The following SAMD4A variants were observed in gnomAD, a reference collection of about 807,000 sequenced individuals.
SAMD4A encodes the protein sterile alpha motif domain containing 4A, also known as protein Smaug homolog 1.
SAMD4A carries 33 observed loss-of-function variants against 81.3 expected under a neutral mutation model. That is an observed-to-expected ratio of 0.41 (90% CI 0.31 to 0.54). SAMD4A has a LOEUF of 0.54. Among genes scored for constraint, SAMD4A ranks in the 20% least tolerant of loss-of-function variants. The pLI, the probability that SAMD4A is intolerant of heterozygous loss-of-function variation, is 0.37. For synonymous variants in SAMD4A, 389 were observed against 382.1 expected, an observed-to-expected ratio of 1.02 and a Z score of -0.21; for missense variants, 854 against 951.1, an observed-to-expected ratio of 0.90 and a Z score of 1.34.
chr14:54,650,653 C>T (rs1405747468), intron 2 of SAMD4A, among the ~76,000 whole-genome samples: 1 of 152,210 alleles, frequency 6.6e-6, no homozygotes, highest in African/African-American at 2.4e-5. Flanking sequence ...AAAGTCACTG[C>T]TAGACCAGTT....
intron 2 of SAMD4A, among the ~76,000 whole-genome samples, chr14:54,580,947 T>G (rs1394705812): frequency 1.3e-5 from 2 of 152,186 alleles, no homozygotes; most frequent in African/African-American, 2.4e-5. Flanking sequence ...GCATACAGAT[T>G]GATTAACAAA....
intron 6 of SAMD4A, chr14:54,754,990 C>T (rs147653332): frequency 2.1e-4 from 63 of 298,942 alleles, no homozygotes; most frequent in African/African-American, 1.3e-3. Flanking sequence ...CCAGTCTGAT[C>T]GATGTCATCA....
At chr14:54,683,842 T>TA (rs2036187536) in intron 2 of SAMD4A, among the ~76,000 whole-genome samples, 1 of 152,118 alleles carries the variant, frequency 6.6e-6, no homozygotes, top group Admixed American at 6.5e-5. Flanking sequence ...GAGGGGTAGA[T>TA]ATATGAGATC....
At chr14:54,765,808 A>G (rs1258709538) in intron 8 of SAMD4A, among the ~76,000 whole-genome samples, 2 of 151,734 alleles carry the variant, frequency 1.3e-5, no homozygotes, top group Non-Finnish European at 2.9e-5. Context: ...GTGCTATCGA[A>G]GTTCTCACGG....
intron 2 of SAMD4A, among the ~76,000 whole-genome samples, chr14:54,611,835 C>T (rs1328187799): frequency 2.0e-5 from 3 of 151,218 alleles, no homozygotes; most frequent in African/African-American, 7.3e-5. Flanking sequence ...TGAGATTGCG[C>T]CACTGCATTT....
chr14:54,785,624 C>T (rs2039120943), intron 12 of SAMD4A, among the ~76,000 whole-genome samples: 1 of 152,236 alleles, frequency 6.6e-6, no homozygotes, highest in Non-Finnish European at 1.5e-5. Flanking sequence ...CACCTAGAGC[C>T]AAGACGTGCG....
intron 2 of SAMD4A, among the ~76,000 whole-genome samples, chr14:54,698,245 A>G (rs1188265136): frequency 6.6e-6 from 1 of 152,228 alleles, no homozygotes; most frequent in Non-Finnish European, 1.5e-5. Flanking sequence ...CATGTACTCT[A>G]TTAATACATT....
At chr14:54,658,062 A>G (rs2140452662) in intron 2 of SAMD4A, among the ~76,000 whole-genome samples, 1 of 152,316 alleles carries the variant, frequency 6.6e-6, no homozygotes, top group Admixed American at 6.5e-5. Flanking sequence ...TAATTCCAGC[A>G]CTTTGGGAAA....
rs373586758 is a variant in SAMD4A at position 54,764,492 on chromosome 14, A to G, written c.1548A>G (p.Glu516=). Residue 516 remains glutamate, a synonymous_variant, in exon 8 of 13, where the codon GAA becomes GAG. Coordinates refer to ENST00000554335, the MANE Select transcript of SAMD4A (RefSeq NM_015589.6). ...TQLLVSRPDE[E]NISSYLQLID... The stretch of plus-strand genomic sequence containing the variant: ...TCTTGGTCTCCAGACCTGATGAGGA[A>G]AATATAAGTTCCTATTTACAGCTCA... 12 of 1,613,126 alleles carry G rather than the reference A, an allele frequency of 7.4e-6. No individual in the cohort carries two copies. In the African/African-American group the frequency reaches 1.5e-4, roughly 20 times the overall value.
intron 2 of SAMD4A, chr14:54,694,150 T>A (rs557077243): frequency 2.6e-5 from 4 of 151,828 alleles, no homozygotes; most frequent in Non-Finnish European, 5.9e-5. Context: ...GGACTTTGGC[T>A]TTTACTCTGA....
At chr14:54,758,006 C>T (rs952160241) in intron 6 of SAMD4A, among the ~76,000 whole-genome samples, 2 of 152,164 alleles carry the variant, frequency 1.3e-5, no homozygotes, top group Non-Finnish European at 2.9e-5. Flanking sequence ...CCGGGTCTAC[C>T]GTGGGCAGCA....
At chr14:54,626,018 GTGTGT>G (rs1566554120) in intron 2 of SAMD4A, among the ~76,000 whole-genome samples, 29 of 34,564 alleles carry the variant, frequency 8.4e-4, no homozygotes, top group East Asian at 5.7e-3. Context: ...ACTGCTAGGT[GTGTGT>G]GTGTGTGTGT....
At chr14:54,698,007 T>C (rs750379331) in intron 2 of SAMD4A, among the ~76,000 whole-genome samples, 1 of 152,322 alleles carries the variant, frequency 6.6e-6, no homozygotes, top group South Asian at 2.1e-4. Flanking sequence ...TAATGCCTTT[T>C]ATAACCTAAT....
At chr14:54,775,562 G>A (rs529312022) in intron 10 of SAMD4A, among the ~76,000 whole-genome samples, 1 of 152,334 alleles carries the variant, frequency 6.6e-6, no homozygotes, top group South Asian at 2.1e-4. Flanking sequence ...GTCTGAGAGA[G>A]TGTGCCAGGG....
chr14:54,713,016 A>T (rs921095663), intron 3 of SAMD4A, among the ~76,000 whole-genome samples: 4 of 152,100 alleles, frequency 2.6e-5, no homozygotes, highest in Non-Finnish European at 5.9e-5. Context: ...TAGTCTTATG[A>T]TTTCTGTTAT....
At chr14:54,620,348 T>C (rs1566551099) in intron 2 of SAMD4A, among the ~76,000 whole-genome samples, 1 of 127,228 alleles carries the variant, frequency 7.9e-6, no homozygotes, top group Non-Finnish European at 1.7e-5. Context: ...ATAAGCACCA[T>C]GTTGGAGCAT....
chr14:54,769,737 G>T (rs1376852760), intron 8 of SAMD4A, among the ~76,000 whole-genome samples: 1 of 152,198 alleles, frequency 6.6e-6, no homozygotes, highest in Non-Finnish European at 1.5e-5. Context: ...TGAAAATGCA[G>T]GGGGCCTGCA....
upstream of SAMD4A, among the ~76,000 whole-genome samples, chr14:54,565,562 C>T (rs1295102105): frequency 6.6e-6 from 1 of 152,234 alleles, no homozygotes; most frequent in Non-Finnish European, 1.5e-5. The surrounding 1 kb of genome is among the most constrained non-coding windows in gnomAD (Gnocchi z 5.4). Flanking sequence ...GCCTCCACGA[C>T]CCCCGGAACC....
At chr14:54,612,419 T>A (rs1272867118) in intron 2 of SAMD4A, among the ~76,000 whole-genome samples, 1 of 152,182 alleles carries the variant, frequency 6.6e-6, no homozygotes, top group Non-Finnish European at 1.5e-5. Flanking sequence ...TGGGCTATTA[T>A]TAATTTGATT....
Sources: gnomAD v4.1 joint callset for allele counts (sites outside exome capture counted in the v4.1 genomes callset) on GRCh38, gnomAD v4.1.1 for gene constraint, Gnocchi (gnomAD v3.1) non-coding constraint, MANE v1.5 for transcripts, NCBI Gene and HGNC (gene_info 2026-07-23, HGNC 2026-07-21) for gene names.